Variants in NDUFS4 observed in about 807,000 individuals in gnomAD.
NDUFS4 encodes NADH:ubiquinone oxidoreductase subunit S4.
A neutral mutation model predicts 24.3 loss-of-function variants in NDUFS4; 28 were observed. The observed-to-expected ratio is 1.15, with a 90% CI of 0.85 to 1.58. The LOEUF is 1.58. Among genes scored for constraint, NDUFS4 ranks in the 40% most tolerant of loss-of-function variants. The pLI, the probability that NDUFS4 is intolerant of heterozygous loss-of-function variation, is 0.00. For missense variants in NDUFS4, 223 were observed against 207.9 expected, an observed-to-expected ratio of 1.07 and a Z score of -0.45; for synonymous variants, 93 against 69.7, an observed-to-expected ratio of 1.34 and a Z score of -1.67.
chr5:53,680,196 T>G (rs1554062107), intron 4 of NDUFS4, among the ~76,000 whole-genome samples: 1 of 152,126 alleles, frequency 6.6e-6, no homozygotes, highest in Non-Finnish European at 1.5e-5. Flanking sequence ...AATGTAAAAT[T>G]AAGATATATA....
intron 3 of NDUFS4, among the ~76,000 whole-genome samples, chr5:53,654,126 T>C (rs1752097407): frequency 6.6e-6 from 1 of 152,126 alleles, no homozygotes; most frequent in Non-Finnish European, 1.5e-5. Context: ...TTAGCAGAAA[T>C]GTTTCTGATA....
At chr5:53,652,224 C>T (rs1489505649) in intron 3 of NDUFS4, among the ~76,000 whole-genome samples, 1 of 151,854 alleles carries the variant, frequency 6.6e-6, no homozygotes, top group Non-Finnish European at 1.5e-5. Context: ...AATGTAACAC[C>T]TGCAGAGATT....
chr5:53,638,936 C>G (rs1304715521), intron 2 of NDUFS4, among the ~76,000 whole-genome samples: 1 of 152,018 alleles, frequency 6.6e-6, no homozygotes, highest in Non-Finnish European at 1.5e-5. Flanking sequence ...CCATCTTTGA[C>G]CACATGAGAT....
In NDUFS4 at chr5:53,664,748, GT is replaced by G. The variant is rs371644284; in HGVS notation, c.424+6129del. Among the ~76,000 whole-genome samples, 449 of 152,114 alleles carry G rather than the reference GT, an allele frequency of 3.0e-3. 2 individuals are homozygous for G. Among genetic ancestry groups the G allele is most frequent in the South Asian group, 4.4e-3 (21 of 4,818 alleles). On this transcript the variant is annotated intron_variant, in intron 4 of 4. Coordinates refer to ENST00000296684, the MANE Select transcript of NDUFS4 (RefSeq NM_002495.4). ...GCCATTTGTCTAATTTTTTTTCAAGGTTTTTAACTTCTTTGCCATGGTTTCA... is the reference window on the plus strand; with the variant it reads ...GCCATTTGTCTAATTTTTTTTCAAGGTTTTAACTTCTTTGCCATGGTTTCA...
intron 1 of NDUFS4, among the ~76,000 whole-genome samples, chr5:53,596,540 T>C (rs1750137989): frequency 6.6e-6 from 1 of 152,246 alleles, no homozygotes; most frequent in African/African-American, 2.4e-5. Context: ...TACAGTATGC[T>C]GAAGACAGTT....
chr5:53,566,748 C>A (rs1381732637), intron 1 of NDUFS4, among the ~76,000 whole-genome samples: 1 of 151,930 alleles, frequency 6.6e-6, no homozygotes, highest in Non-Finnish European at 1.5e-5. Flanking sequence ...TGTAAATTCT[C>A]TGTAAATAAC....
intron 2 of NDUFS4, among the ~76,000 whole-genome samples, chr5:53,643,605 G>C (rs1327638064): frequency 6.6e-6 from 1 of 152,074 alleles, no homozygotes; most frequent in Non-Finnish European, 1.5e-5. Context: ...AGGTTCTTCT[G>C]TCACTAGCCG....
intron 2 of NDUFS4, among the ~76,000 whole-genome samples, chr5:53,633,966 G>A (rs2636993): frequency 0.35 from 53,318 of 152,038 alleles, 10,236 homozygotes; most frequent in African/African-American, 0.51. Flanking sequence ...TTGATAAATG[G>A]ACCTATACTC....
chr5:53,577,804 A>G (rs1300469578), intron 1 of NDUFS4, among the ~76,000 whole-genome samples: 1 of 152,182 alleles, frequency 6.6e-6, no homozygotes, highest in African/African-American at 2.4e-5. Flanking sequence ...ATGTTTAAGG[A>G]ATTCATGATA....
chr5:53,661,954 T>C (rs2112526603), intron 4 of NDUFS4, among the ~76,000 whole-genome samples: 1 of 151,216 alleles, frequency 6.6e-6, no homozygotes, highest in African/African-American at 2.4e-5. Flanking sequence ...AGGGACAATT[T>C]GACTTCCTCT....
At chr5:53,591,307 T>C (rs559202016) in intron 1 of NDUFS4, among the ~76,000 whole-genome samples, 1 of 152,288 alleles carries the variant, frequency 6.6e-6, no homozygotes, top group African/African-American at 2.4e-5. Context: ...GTGAAGCTGC[T>C]GGATTATATG....
intron 1 of NDUFS4, among the ~76,000 whole-genome samples, chr5:53,580,091 G>T (rs2112426050): frequency 6.6e-6 from 1 of 152,218 alleles, no homozygotes; most frequent in East Asian, 1.9e-4. Context: ...GTAGTAATTT[G>T]TTACTGCAAC....
chr5:53,624,409 G>C (rs913372439), intron 2 of NDUFS4, among the ~76,000 whole-genome samples: 1 of 152,156 alleles, frequency 6.6e-6, no homozygotes, highest in Admixed American at 6.5e-5. Context: ...CATTGAATCT[G>C]TAGATTGATT....
intron 1 of NDUFS4, among the ~76,000 whole-genome samples, chr5:53,570,785 G>C (rs1317401937): frequency 6.7e-6 from 1 of 149,168 alleles, no homozygotes; most frequent in Non-Finnish European, 1.5e-5. Context: ...CCAGGTTCAA[G>C]TGATTGTCCT....
At chr5:53,634,959 C>T (rs1452759639) in intron 2 of NDUFS4, among the ~76,000 whole-genome samples, 2 of 151,904 alleles carry the variant, frequency 1.3e-5, no homozygotes, top group Non-Finnish European at 2.9e-5. Flanking sequence ...GAGGCCGAGG[C>T]GGGTAAATCA....
At chr5:53,621,850 C>A (rs1345617597) in intron 2 of NDUFS4, among the ~76,000 whole-genome samples, 4 of 151,508 alleles carry the variant, frequency 2.6e-5, no homozygotes, top group Admixed American at 2.6e-4. Flanking sequence ...TACAGGCGTG[C>A]GCCACCATGC....
intron 4 of NDUFS4, among the ~76,000 whole-genome samples, chr5:53,661,644 T>C (rs1477377682): frequency 1.3e-5 from 2 of 152,218 alleles, no homozygotes; most frequent in Non-Finnish European, 2.9e-5. Flanking sequence ...CATGGAATGT[T>C]CTTCCATTTG....
intron 4 of NDUFS4, among the ~76,000 whole-genome samples, chr5:53,661,717 G>A (rs549137471): frequency 1.9e-4 from 29 of 152,154 alleles, no homozygotes; most frequent in South Asian, 1.9e-3. Flanking sequence ...GGTCCTTCAC[G>A]AAGTCCCGTG....
intron 4 of NDUFS4, among the ~76,000 whole-genome samples, chr5:53,662,390 G>C (rs532674380): frequency 6.6e-6 from 1 of 152,116 alleles, no homozygotes; most frequent in African/African-American, 2.4e-5. Context: ...GCTGGATTCG[G>C]TTTGCCAGTA....
Sources: gnomAD v4.1 joint callset for allele counts (sites outside exome capture counted in the v4.1 genomes callset) on GRCh38, gnomAD v4.1.1 for gene constraint, MANE v1.5 for transcripts, NCBI Gene and HGNC (gene_info 2026-07-23, HGNC 2026-07-21) for gene names.